Variants in PLAAT5 observed in about 807,000 individuals in gnomAD.
PLAAT5 encodes the protein Ca(2+)-independent N-acyltransferase.
A neutral mutation model predicts 27.8 loss-of-function variants in PLAAT5; 27 were observed. The ratio of observed to expected loss-of-function variants is 0.97; its 90% CI spans 0.72 to 1.34. PLAAT5 has a LOEUF of 1.34. Ranked by LOEUF, PLAAT5 falls within the 40% of genes most tolerant of loss-of-function variation. The pLI, the probability that PLAAT5 is intolerant of heterozygous loss-of-function variation, is 0.00. For missense variants in PLAAT5, 368 were observed against 343.8 expected, an observed-to-expected ratio of 1.07 and a Z score of -0.56; for synonymous variants, 125 against 136.1, an observed-to-expected ratio of 0.92 and a Z score of 0.57.
At position 63,466,300 on chromosome 11, in the gene PLAAT5, T is replaced by C; in HGVS notation, c.527A>G (p.Glu176Gly). The C allele has an allele frequency of 6.2e-7, 1 of 1,614,120 alleles. No individual in the cohort carries two copies. Among genetic ancestry groups the C allele is most frequent in the Non-Finnish European group, 8.5e-7 (1 of 1,180,012 alleles). ...NRAVVKYSRL[E>G]DVLHGCSWKV... is the part of the protein sequence containing the mutation. ...CCAGGAGCAGCCATGCAGCACATCC[T>C]CCAGACGACTGTATTTCACCACGGC... is the stretch of plus-strand genomic sequence containing the variant. The change falls in exon 5 of 6, where the codon GAG becomes GGG. Residue 176 changes from glutamate (E) to glycine (G), a missense_variant. Glu to Gly is a moderately conservative substitution (Grantham distance 98). Coordinates refer to ENST00000540857, the MANE Select transcript of PLAAT5 (RefSeq NM_001146729.2).
chr11:63,490,959 C>T lies in PLAAT5; in HGVS notation c.76G>A (p.Ala26Thr), dbSNP rs758056734. 13 of 1,589,240 alleles carry T rather than the reference C, an allele frequency of 8.2e-6. No homozygotes were observed. Among genetic ancestry groups the T allele is most frequent in the South Asian group, 4.5e-5 (4 of 88,440 alleles). Reference protein sequence around the residue: ...PRIPPPLPKPASRTASTGPKD... With the variant: ...PRIPPPLPKPTSRTASTGPKD... The stretch of plus-strand genomic sequence containing the variant: ...GGCCCGGTACTGGCGGTTCGCGAGG[C>T]GGGTTTGGGGAGGGGTGGGGGAATC... The change falls in exon 1 of 6, where the codon GCC (alanine) becomes ACC (threonine). Residue 26 changes from alanine to threonine, a missense_variant. Ala to Thr is a moderately conservative substitution (Grantham distance 58, BLOSUM62 0). Transcript: ENST00000540857.
At chr11:63,471,841 A>C (rs2016033152) in intron 3 of PLAAT5, among the ~76,000 whole-genome samples, 1 of 152,252 alleles carries the variant, frequency 6.6e-6, no homozygotes, top group South Asian at 2.1e-4. Flanking sequence ...GATAAAGAAA[A>C]TGTGGAATAC....
intron 3 of PLAAT5, among the ~76,000 whole-genome samples, chr11:63,475,269 G>C (rs2016125868): frequency 6.6e-6 from 1 of 151,942 alleles, no homozygotes; most frequent in East Asian, 1.9e-4. Flanking sequence ...TATTATTTCT[G>C]AATTCCCAAT....
In PLAAT5 at chr11:63,461,911, A is replaced by G. The variant is rs2015728474; in HGVS notation, c.*1592T>C. The G allele has an allele frequency of 6.6e-6, 1 of 152,194 alleles. No homozygotes were observed. Among genetic ancestry groups the G allele is most frequent in the Admixed American group, 6.5e-5 (1 of 15,274 alleles). 9.4% of individuals were successfully genotyped at this position (152,194 alleles called of 1,614,324 possible). A position where few individuals can be genotyped will look rare whatever the true frequency, so the allele number is the denominator to read the frequency against. ...GAATGTGAGCCCTGAAACTTTCTAG[A>G]GAGTCTCTGTCCCATTGGGTTCAAG... On this transcript the variant is annotated 3_prime_UTR_variant, in exon 6 of 6. Transcript: ENST00000540857.
At chr11:63,483,782 A>T (rs1477860888) in intron 3 of PLAAT5, among the ~76,000 whole-genome samples, 7 of 80,516 alleles carry the variant, frequency 8.7e-5, no homozygotes, top group Admixed American at 3.3e-4. Context: ...AAGCAAAAAA[A>T]AAATATATAT....
intron 2 of PLAAT5, 97 bp from the exon 3 acceptor site, chr11:63,489,073 G>A (rs1565217791): frequency 2.4e-6 from 2 of 833,598 alleles, no homozygotes; most frequent in Non-Finnish European, 3.9e-6. Context: ...GATGGCTTTT[G>A]GTTTGGAGAC....
In PLAAT5 at chr11:63,463,292, C is replaced by T. The variant is rs2015764284; in HGVS notation, c.*211G>A. On this transcript the variant is annotated 3_prime_UTR_variant, in exon 6 of 6. Transcript: ENST00000540857. ...GTGCCTGGCGCATAAGAGATACACA[C>T]TAGATACCAGATCCTTCCCATCCTG... 1.7e-6 allele frequency: 1 copy of T among 593,586 alleles called. No individual in the cohort carries two copies. Among genetic ancestry groups the T allele is most frequent in the Non-Finnish European group, 3.0e-6 (1 of 330,598 alleles). 36.8% of individuals were successfully genotyped at this position (593,586 alleles called of 1,614,324 possible).
chr11:63,480,872 C>T (rs953828964), intron 3 of PLAAT5, among the ~76,000 whole-genome samples: 33 of 152,302 alleles, frequency 2.2e-4, no homozygotes, highest in East Asian at 1.9e-3. Context: ...ACCTTCAATT[C>T]TAGGTGAAGA....
intron 3 of PLAAT5, chr11:63,471,037 G>A (rs945162640): frequency 3.3e-5 from 5 of 152,142 alleles, no homozygotes; most frequent in Admixed American, 3.3e-4. Flanking sequence ...GAGAATTTAT[G>A]TTGCAAAGAA....
At chr11:63,477,676 T>C (rs1181605136) in intron 3 of PLAAT5, among the ~76,000 whole-genome samples, 1 of 152,118 alleles carries the variant, frequency 6.6e-6, no homozygotes, top group Non-Finnish European at 1.5e-5. Context: ...GGTTTCACCA[T>C]GTTGGCGAGG....
chr11:63,466,434 T>C, intron 4 of PLAAT5, 62 bp from the exon 5 acceptor site: 1 of 1,536,604 alleles, frequency 6.5e-7, no homozygotes, highest in South Asian at 1.2e-5. Flanking sequence ...GAGCACAGTC[T>C]AAGACTCTGA....
At chr11:63,474,089 T>G (rs961619627) in intron 3 of PLAAT5, among the ~76,000 whole-genome samples, 6 of 152,180 alleles carry the variant, frequency 3.9e-5, no homozygotes, top group African/African-American at 1.4e-4. Context: ...CATTTTTATA[T>G]TCATGCTGGA....
rs146226489 is a variant in PLAAT5 at position 63,479,023 on chromosome 11, A to G, written c.345+9848T>C. ...GCTCCCCATACCAGGCTTCTCACCC[A>G]GAAAGCAGAATGATATTGCAGGAGA... On this transcript the variant is annotated intron_variant, in intron 3 of 5. Transcript: ENST00000540857. 6.4e-4 allele frequency among the ~76,000 whole-genome samples: 98 copies of G among 152,344 alleles called. No homozygotes were observed. The East Asian group carries it at 0.016, about 24-fold the overall frequency.
Position 63,466,124 on chromosome 11 carries a change from G to A in PLAAT5, c.703C>T (p.Pro235Ser), listed in dbSNP as rs187424935. The change falls in exon 5 of 6, where the codon CCC (proline) becomes TCC (serine). Residue 235 changes from proline (P) to serine (S), a missense_variant. Pro to Ser is a moderately conservative substitution (Grantham distance 74). Coordinates refer to ENST00000540857, the MANE Select transcript of PLAAT5 (RefSeq NM_001146729.2). The stretch of plus-strand genomic sequence containing the variant: ...TGGGGTCACACCTGCTGGCTCCGGG[G>A]TACGCCATATCTGAGGCCATTGACA... ...HFVNGLRYGV[P>S]RSQQVEHALM... is the part of the protein sequence containing the mutation. 1.4e-5 allele frequency: 23 copies of A among 1,614,002 alleles called. No homozygotes were observed. The Admixed American group carries it at 1.7e-4, about 12-fold the overall frequency.
Position 63,463,346 on chromosome 11 carries a change from T to C in PLAAT5, c.*157A>G. 5.8e-6 allele frequency: 4 copies of C among 685,332 alleles called. No individual in the cohort carries two copies. In the South Asian group the frequency reaches 6.6e-5, roughly 11 times the overall value. 42.5% of individuals were successfully genotyped at this position (685,332 alleles called of 1,614,324 possible). On this transcript the variant is annotated 3_prime_UTR_variant, in exon 6 of 6. Transcript: ENST00000540857. ...GTCTGTGGGTCTATGCTCGTATATA[T>C]TGGATGTATTTCTGGAAGGGTAATT...
At position 63,466,437 on chromosome 11, in the gene PLAAT5, G is replaced by A. The variant is rs141834116; in HGVS notation, c.455-65C>T. ...AGTAGCAAAGCAGAGCACAGTCTAA[G>A]ACTCTGAGTAAGCTGCTTCCCCTGG... On this transcript the variant is annotated intron_variant, in intron 4 of 5. Transcript: ENST00000540857. The A allele has an allele frequency of 7.4e-5, 113 of 1,520,132 alleles. No individual in the cohort carries two copies. In the East Asian group the frequency reaches 2.1e-3, roughly 28 times the overall value. 94.2% of individuals were successfully genotyped at this position (1,520,132 alleles called of 1,614,324 possible).
At chr11:63,483,859 G>GTATAT (rs2016370644) in intron 3 of PLAAT5, among the ~76,000 whole-genome samples, 1 of 68,662 alleles carries the variant, frequency 1.5e-5, no homozygotes, top group African/African-American at 3.7e-5. Flanking sequence ...ATATATATAT[G>GTATAT]AAACAAAAAG....
At position 63,463,570 on chromosome 11, in the gene PLAAT5, G is replaced by C. The variant is rs35375575; in HGVS notation, c.743C>G (p.Ala248Gly). The C allele has an allele frequency of 6.2e-7, 1 of 1,613,496 alleles. No individual in the cohort carries two copies. Among genetic ancestry groups the C allele is most frequent in the Non-Finnish European group, 8.5e-7 (1 of 1,179,956 alleles). The change falls in exon 6 of 6, where the codon GCG (alanine) becomes GGG (glycine). Residue 248 changes from alanine (A) to glycine (G), a missense_variant. By Grantham distance (60) the Ala-to-Gly change is moderately conservative. Coordinates refer to ENST00000540857, the MANE Select transcript of PLAAT5 (RefSeq NM_001146729.2). ...QQVEHALMEG[A>G]KAAGAVISAV... ...TGAAATAACTGCTCCAGCAGCCTTC[G>C]CTCCTTCCATCAGGGCGTGCTCTAC...
rs2015729037 is a variant in PLAAT5, at chr11:63,461,930, G to A, written c.*1573C>T. On this transcript the variant is annotated 3_prime_UTR_variant, in exon 6 of 6. Coordinates refer to ENST00000540857, the MANE Select transcript of PLAAT5 (RefSeq NM_001146729.2). ...TTCTAGAGAGTCTCTGTCCCATTGG[G>A]TTCAAGCCAGTAAAAAGCCAGAGAA... is the stretch of plus-strand genomic sequence containing the variant. The A allele has an allele frequency of 6.6e-6, 1 of 152,138 alleles. No individual in the cohort carries two copies. The highest frequency in any genetic ancestry group is 1.5e-5 in the Non-Finnish European group (1 of 68,018). The allele number at this position is 152,138 out of a possible 1,614,324, so 9.4% of individuals were successfully genotyped here.
Sources: gnomAD v4.1 joint callset for allele counts (sites outside exome capture counted in the v4.1 genomes callset) on GRCh38, gnomAD v4.1.1 for gene constraint, MANE v1.5 for transcripts, NCBI Gene and HGNC (gene_info 2026-07-23, HGNC 2026-07-21) for gene names.